MYOF: variants seen among roughly 807,000 people sequenced by gnomAD.
The protein encoded by MYOF is fer-1-like 3, myoferlin.
Under a neutral mutation model 284.2 loss-of-function variants are expected in MYOF, and 244 were observed. The ratio of observed to expected loss-of-function variants is 0.86; its 90% CI spans 0.77 to 0.95. The LOEUF is 0.95. Among genes scored for constraint, MYOF ranks in the 40% least tolerant of loss-of-function variants. The pLI is 0.00. For missense variants in MYOF, 2,496 were observed against 2,560.6 expected, an observed-to-expected ratio of 0.97 and a Z score of 0.54; for synonymous variants, 904 against 919.7, an observed-to-expected ratio of 0.98 and a Z score of 0.31.
rs368757003 is a variant in MYOF, at chr10:93,373,001, C to T, written c.2386G>A (p.Val796Ile). The stretch of plus-strand genomic sequence containing the variant: ...TTCTCACCACTGGTGGAGTACAAGA[C>T]CTGATGTGCGGGAATTCGTGCATAG... ...LAYARIPAHQ[V>I]LYSTSGENAS... Residue 796 changes from valine to isoleucine, a missense_variant, in exon 24 of 54, where the codon GTC (valine) becomes ATC (isoleucine). Around this residue, in one of 3 missense-constraint regions of MYOF, gnomAD observed 2,436 missense variants for 2,480.7 expected, o/e 0.98. Transcript: ENST00000359263. 4 of 1,614,210 alleles carry T rather than the reference C, an allele frequency of 2.5e-6. No homozygotes were observed. In the East Asian group the frequency reaches 8.9e-5, roughly 36 times the overall value.
intron 1 of MYOF, among the ~76,000 whole-genome samples, chr10:93,475,924 T>A (rs1435412331): frequency 6.6e-6 from 1 of 152,160 alleles, no homozygotes; most frequent in African/African-American, 2.4e-5. Context: ...GGAGTGTACC[T>A]TTGAGAATTC....
At chr10:93,441,398 T>A (rs2056245930) in intron 3 of MYOF, among the ~76,000 whole-genome samples, 1 of 152,156 alleles carries the variant, frequency 6.6e-6, no homozygotes, top group East Asian at 1.9e-4. Flanking sequence ...TTCTTTTTTT[T>A]TTTGGAGACG....
At chr10:93,434,439 A>C (rs1023940639) in intron 3 of MYOF, among the ~76,000 whole-genome samples, 2 of 151,736 alleles carry the variant, frequency 1.3e-5, no homozygotes, top group African/African-American at 2.4e-5. Context: ...TCAAAAAAAA[A>C]AAAAAAAACA....
intron 1 of MYOF, among the ~76,000 whole-genome samples, chr10:93,474,716 G>A (rs1379274674): frequency 6.6e-6 from 1 of 151,868 alleles, no homozygotes; most frequent in African/African-American, 2.4e-5. Context: ...AGCCCTGCAA[G>A]GCAGGAGATA....
At chr10:93,387,672 T>C (rs1392147432) in intron 19 of MYOF, 125 bp downstream of exon 19, 6 of 751,484 alleles carry the variant, frequency 8.0e-6, no homozygotes, top group Non-Finnish European at 1.4e-5. Context: ...CATAGGGCTG[T>C]TGTAGAAACA....
chr10:93,377,943 A>G (rs968240777), intron 21 of MYOF, among the ~76,000 whole-genome samples: 3 of 152,212 alleles, frequency 2.0e-5, no homozygotes, highest in African/African-American at 4.8e-5. Context: ...AGCTTTTAAT[A>G]TATTGATAGA....
In MYOF at chr10:93,328,825, A is replaced by C; in HGVS notation, c.5069T>G (p.Ile1690Ser). ...GATTCTACTCCCATCTTCGGAAAGG[A>C]TGGGTTGTGGGAAGCCTTTGAATCT... ...VARFKGFPQP[I>S]LSEDGSRIRY... The change falls in exon 45 of 54, where the codon ATC (isoleucine) becomes AGC (serine). Residue 1690 changes from isoleucine to serine, a missense_variant. Ile to Ser is a moderately radical substitution (Grantham distance 142). Around this residue, in one of 3 missense-constraint regions of MYOF, gnomAD observed 2,436 missense variants for 2,480.7 expected, o/e 0.98. Transcript: ENST00000359263. The C allele has an allele frequency of 1.2e-6, 2 of 1,613,622 alleles. No individual in the cohort carries two copies. Among genetic ancestry groups the C allele is most frequent in the Non-Finnish European group, 1.7e-6 (2 of 1,179,660 alleles).
chr10:93,400,939 G>A (rs552688657), intron 12 of MYOF, among the ~76,000 whole-genome samples: 59 of 140,202 alleles, frequency 4.2e-4, no homozygotes, highest in Admixed American at 1.3e-3. Flanking sequence ...GGCAACCTCC[G>A]CCTCCTGGGT....
rs371540478 is a variant in MYOF, at chr10:93,398,639, G to C, written c.1221+753C>G. ...GGGGTAAAGCCTGAATTTAATTCAG[G>C]CCTCATTTTGCCCCAGAGCTGAAGG... On this transcript the variant is annotated intron_variant, in intron 13 of 53. Coordinates refer to ENST00000359263, the MANE Select transcript of MYOF (RefSeq NM_013451.4). Among the ~76,000 whole-genome samples the C allele has an allele frequency of 2.0e-5, 3 of 152,108 alleles. No homozygotes were observed. The South Asian group carries it at 6.2e-4, about 32-fold the overall frequency.
At position 93,392,924 on chromosome 10, in the gene MYOF, T is replaced by C; in HGVS notation, c.1449A>G (p.Ser483=). ...AAATTACGAAGCATAAACCTGTATA[T>C]GATGCAGCCCCAGTTCCCGAAGATG... ...DFSSSGTGAA[S]YTVNTGETEV... Residue 483 remains serine, a synonymous_variant, in exon 17 of 54, where the codon TCA becomes TCG. Coordinates refer to ENST00000359263, the MANE Select transcript of MYOF (RefSeq NM_013451.4). 1 of 1,612,304 alleles carries C rather than the reference T, an allele frequency of 6.2e-7. No homozygotes were observed. The highest frequency in any genetic ancestry group is 8.5e-7 in the Non-Finnish European group (1 of 1,178,470).
At chr10:93,426,253 G>C in intron 4 of MYOF, 95 bp from the exon 5 acceptor site, 1 of 1,268,474 alleles carries the variant, frequency 7.9e-7, no homozygotes, top group Non-Finnish European at 1.1e-6. Context: ...CCAAAGTCTT[G>C]GAAGGGGTAA....
At chr10:93,373,110 A>G in intron 23 of MYOF, 25 bp from the exon 24 acceptor site, 1 of 1,614,028 alleles carries the variant, frequency 6.2e-7, no homozygotes, top group Non-Finnish European at 8.5e-7. Context: ...TGGATGGAAG[A>G]GGAAGCACAG....
At chr10:93,453,981 G>C (rs192322348) in intron 2 of MYOF, among the ~76,000 whole-genome samples, 301 of 152,144 alleles carry the variant, frequency 2.0e-3, no homozygotes, top group African/African-American at 7.0e-3. Context: ...TCAGGAGTTC[G>C]AGACCAGCCT....
chr10:93,361,642 A>C (rs1845080043), intron 27 of MYOF, 85 bp from the exon 28 acceptor site: 4 of 1,235,892 alleles, frequency 3.2e-6, no homozygotes, highest in Non-Finnish European at 3.5e-6. Flanking sequence ...TTCCTCATTT[A>C]ACTATGGCAT....
chr10:93,311,380 C>T (rs1298394407), intron 51 of MYOF, among the ~76,000 whole-genome samples: 20 of 149,464 alleles, frequency 1.3e-4, no homozygotes, highest in Non-Finnish European at 1.9e-4. Flanking sequence ...GAGGCTGAGG[C>T]GGGAGGATCA....
At chr10:93,320,457 C>T (rs1246201794) in intron 48 of MYOF, among the ~76,000 whole-genome samples, 1 of 152,106 alleles carries the variant, frequency 6.6e-6, no homozygotes, top group East Asian at 1.9e-4. Context: ...CTTAAGCAAA[C>T]CAAAGAAGCA....
chr10:93,428,681 C>G (rs1848705087), intron 4 of MYOF, among the ~76,000 whole-genome samples: 1 of 151,872 alleles, frequency 6.6e-6, no homozygotes, highest in Non-Finnish European at 1.5e-5. Context: ...CATCGTGTGT[C>G]TTGGAACTAC....
At chr10:93,312,213 G>A (rs1208292564) in intron 51 of MYOF, among the ~76,000 whole-genome samples, 6 of 152,164 alleles carry the variant, frequency 3.9e-5, no homozygotes, top group African/African-American at 9.7e-5. Flanking sequence ...GTAGTCTTTC[G>A]TGATATGGCA....
chr10:93,382,897 T>C (rs1472621930), intron 19 of MYOF, among the ~76,000 whole-genome samples: 1 of 152,134 alleles, frequency 6.6e-6, no homozygotes, highest in Non-Finnish European at 1.5e-5. Context: ...GAAGTGGAAT[T>C]TTTAATTCTT....
Sources: gnomAD v4.1 joint callset for allele counts (sites outside exome capture counted in the v4.1 genomes callset) on GRCh38, gnomAD v4.1.1 for gene constraint, gnomAD v4.1.1 regional missense constraint, MANE v1.5 for transcripts, NCBI Gene and HGNC (gene_info 2026-07-23, HGNC 2026-07-21) for gene names.